Variants in DIAPH2 observed in about 807,000 individuals in gnomAD.
DIAPH2 encodes the protein diaphanous related formin 2, also known as protein diaphanous homolog 2.
Under a neutral mutation model 92.7 loss-of-function variants are expected in DIAPH2, and 35 were observed. The observed-to-expected ratio is 0.38, with a 90% CI of 0.29 to 0.50. The LOEUF (loss-of-function observed/expected upper bound fraction) is 0.50. Ranked by LOEUF, DIAPH2 falls within the 20% of genes least tolerant of loss-of-function variation. The pLI is 0.94. For missense variants in DIAPH2, 701 were observed against 819.5 expected, an observed-to-expected ratio of 0.86 and a Z score of 1.77; for synonymous variants, 301 against 280.4, an observed-to-expected ratio of 1.07 and a Z score of -0.73.
chrX:96,741,945 T>C (rs1218231729), intron 3 of DIAPH2, among the ~76,000 whole-genome samples: 1 of 112,151 alleles, frequency 8.9e-6, no homozygotes, highest in African/African-American at 3.2e-5. Context: ...CTTTATGTCC[T>C]GAACCTCTAA....
chrX:96,691,785 T>G (rs1439868942), intron 1 of DIAPH2, among the ~76,000 whole-genome samples: 1 of 112,326 alleles, frequency 8.9e-6, no homozygotes, highest in Non-Finnish European at 1.9e-5. Flanking sequence ...GTGTGGCCTA[T>G]GAATGAGTGA....
intron 1 of DIAPH2, among the ~76,000 whole-genome samples, chrX:96,729,249 T>C (rs1268590900): frequency 8.9e-6 from 1 of 112,130 alleles, no homozygotes; most frequent in Non-Finnish European, 1.9e-5. Context: ...GGTTCCCAGC[T>C]TGAAGAGGCC....
At chrX:96,738,028 A>C (rs1197256952) in intron 2 of DIAPH2, among the ~76,000 whole-genome samples, 1 of 111,861 alleles carries the variant, frequency 8.9e-6, no homozygotes, top group Non-Finnish European at 1.9e-5. Context: ...AAACTTTCAC[A>C]AGGTTACTCA....
chrX:97,573,654 T>A (rs775182449), intron 26 of DIAPH2, among the ~76,000 whole-genome samples: 82 of 107,969 alleles, frequency 7.6e-4, no homozygotes, highest in African/African-American at 2.8e-3. Flanking sequence ...TGGGGTTTTT[T>A]TGTTTTTTTT....
intron 26 of DIAPH2, chrX:97,469,683 C>G: frequency 8.3e-7 from 1 of 1,200,602 alleles, no homozygotes; most frequent in South Asian, 1.8e-5. Flanking sequence ...TTTATTTCTT[C>G]TTTTCTGCAG....
chrX:96,776,240 T>C (rs1175499531), intron 4 of DIAPH2, among the ~76,000 whole-genome samples: 3 of 111,252 alleles, frequency 2.7e-5, no homozygotes, highest in Non-Finnish European at 5.7e-5. Flanking sequence ...AGACAGAGTC[T>C]CACTCTGTCA....
At chrX:96,905,905 G>A (rs1033529293) in intron 5 of DIAPH2, among the ~76,000 whole-genome samples, 4 of 112,120 alleles carry the variant, frequency 3.6e-5, no homozygotes, top group African/African-American at 1.3e-4. Flanking sequence ...CGAAGCAGGC[G>A]GATCATGAGG....
chrX:96,829,748 G>A (rs1206803620), intron 4 of DIAPH2, among the ~76,000 whole-genome samples: 1 of 111,257 alleles, frequency 9.0e-6, no homozygotes, highest in Non-Finnish European at 1.9e-5. Context: ...GCCTGCCTTG[G>A]CCTCTCAAAT....
intron 9 of DIAPH2, among the ~76,000 whole-genome samples, chrX:96,922,661 T>A (rs1042920931): frequency 2.7e-5 from 3 of 112,058 alleles, no homozygotes; most frequent in Non-Finnish European, 5.6e-5. Flanking sequence ...AACTTAATAT[T>A]CTGGCCTTTG....
intron 23 of DIAPH2, among the ~76,000 whole-genome samples, chrX:97,337,455 G>A (rs767108330): frequency 2.7e-5 from 3 of 111,063 alleles, no homozygotes; most frequent in East Asian, 5.7e-4. Flanking sequence ...AGATCTGATG[G>A]TTTTATCACT....
intron 22 of DIAPH2, among the ~76,000 whole-genome samples, chrX:97,239,152 G>A (rs2068071852): frequency 8.9e-6 from 1 of 111,826 alleles, no homozygotes; most frequent in African/African-American, 3.2e-5. Flanking sequence ...TCTAGACAGT[G>A]TCACTGGAAT....
intron 10 of DIAPH2, 33 bp from the exon 11 acceptor site, chrX:96,937,200 A>G (rs1459766829): frequency 1.2e-6 from 1 of 812,150 alleles, no homozygotes; most frequent in South Asian, 3.2e-5. Flanking sequence ...TCAAACTGTT[A>G]TTCATGTGTT....
Position 97,601,272 on chromosome X carries a change from A to ATGCCT in DIAPH2, c.*1959_*1963dup, listed in dbSNP as rs1267584010. On this transcript the variant is annotated 3_prime_UTR_variant, in exon 27 of 27. Transcript: ENST00000324765. ...AACCCTGACTAAAATTTGGGAGCAT[A>ATGCCT]TGCCTTGCTATATTATCAAGCTGGT... The ATGCCT allele has an allele frequency of 1.8e-5, 2 of 112,123 alleles. No homozygotes were observed. Among genetic ancestry groups the ATGCCT allele is most frequent in the South Asian group, 3.8e-4 (1 of 2,661 alleles). The allele number at this position is 112,123 out of a possible 1,213,427, so 9.2% of individuals were successfully genotyped here.
chrX:96,916,404 A>C (rs780545235), intron 7 of DIAPH2, 34 bp from the exon 8 acceptor site: 1 of 1,089,305 alleles, frequency 9.2e-7, no homozygotes, highest in South Asian at 2.3e-5. Context: ...TTCCATAGAC[A>C]TTCTGAATGA....
chrX:96,758,121 A>G, intron 3 of DIAPH2, 33 bp from the exon 4 acceptor site: 3 of 1,113,323 alleles, frequency 2.7e-6, no homozygotes, highest in Non-Finnish European at 3.6e-6. Context: ...GTGGAAATTT[A>G]TCAATGCCCA....
At chrX:96,981,645 G>A (rs188510228) in intron 17 of DIAPH2, among the ~76,000 whole-genome samples, 1 of 111,933 alleles carries the variant, frequency 8.9e-6, no homozygotes, top group East Asian at 2.8e-4. Flanking sequence ...TTGCAGATGA[G>A]CAAAGTGGAG....
intron 23 of DIAPH2, among the ~76,000 whole-genome samples, chrX:97,256,137 T>C (rs1200670898): frequency 8.9e-6 from 1 of 112,385 alleles, no homozygotes; most frequent in Non-Finnish European, 1.9e-5. Flanking sequence ...TTTTAAAAGA[T>C]GTAAAAACCT....
chrX:97,533,115 C>T (rs2071071897), intron 26 of DIAPH2: 1 of 111,426 alleles, frequency 9.0e-6, no homozygotes, highest in South Asian at 3.8e-4. Flanking sequence ...GCAGATTCAC[C>T]ATTTTAAACA....
At chrX:96,946,461 T>C (rs1241904519) in intron 14 of DIAPH2, among the ~76,000 whole-genome samples, 1 of 111,695 alleles carries the variant, frequency 9.0e-6, no homozygotes, top group Non-Finnish European at 1.9e-5. Context: ...ACCTTGGAGA[T>C]TAGATAATCA....
Sources: gnomAD v4.1 joint callset for allele counts (sites outside exome capture counted in the v4.1 genomes callset) on GRCh38, gnomAD v4.1.1 for gene constraint, MANE v1.5 for transcripts, NCBI Gene and HGNC (gene_info 2026-07-23, HGNC 2026-07-21) for gene names.